Variants in ARHGAP21 observed in about 807,000 individuals in gnomAD.
The protein encoded by ARHGAP21 is rho GTPase-activating protein 21.
In ARHGAP21, 38 loss-of-function variants were observed where a neutral mutation model predicts 164.6. The ratio of observed to expected loss-of-function variants is 0.23; its 90% CI spans 0.18 to 0.30. The LOEUF is 0.30. Ranked by LOEUF, ARHGAP21 falls within the 10% of genes least tolerant of loss-of-function variation. The pLI is 1.00. For synonymous variants in ARHGAP21, 766 were observed against 857.9 expected (o/e 0.89, Z 1.87); for missense variants, 1,822 against 2,370.7 (o/e 0.77, Z 4.81).
At chr10:24,592,580 G>C (rs1264923561) in intron 21 of ARHGAP21, among the ~76,000 whole-genome samples, 2 of 151,912 alleles carry the variant, frequency 1.3e-5, no homozygotes, top group Non-Finnish European at 2.9e-5. Context: ...GACCGAGTCA[G>C]GTGGACTGCT....
At chr10:24,638,444 T>C (rs1836615675) in intron 4 of ARHGAP21, among the ~76,000 whole-genome samples, 1 of 152,224 alleles carries the variant, frequency 6.6e-6, no homozygotes, top group South Asian at 2.1e-4. Flanking sequence ...TTAACACGTG[T>C]GTCATTCACA....
At chr10:24,629,891 T>C (rs780650729) in intron 7 of ARHGAP21, 105 bp downstream of exon 7, 23 of 851,802 alleles carry the variant, frequency 2.7e-5, no homozygotes, top group Non-Finnish European at 4.1e-5. Flanking sequence ...GGTTTTTAAA[T>C]TCTAGAATTT....
At chr10:24,608,432 G>T (rs1001876197) in intron 9 of ARHGAP21, among the ~76,000 whole-genome samples, 2 of 152,072 alleles carry the variant, frequency 1.3e-5, no homozygotes, top group Admixed American at 1.3e-4. Flanking sequence ...AGGGCCATTT[G>T]CACAAAATTC....
At chr10:24,604,768 C>A (rs1279846307) in intron 11 of ARHGAP21, among the ~76,000 whole-genome samples, 2 of 152,080 alleles carry the variant, frequency 1.3e-5, no homozygotes, top group African/African-American at 4.8e-5. Context: ...CTCCACTCAT[C>A]CTGCTGGTGG....
intron 9 of ARHGAP21, among the ~76,000 whole-genome samples, chr10:24,618,444 G>A (rs963959566): frequency 6.6e-6 from 1 of 152,176 alleles, no homozygotes; most frequent in Non-Finnish European, 1.5e-5. Flanking sequence ...AAAAGCTTAA[G>A]GGAAGAGAAT....
At chr10:24,654,459 C>G (rs532435943) in intron 4 of ARHGAP21, among the ~76,000 whole-genome samples, 2 of 152,298 alleles carry the variant, frequency 1.3e-5, no homozygotes, top group East Asian at 3.9e-4. Flanking sequence ...GTGCAAAAAT[C>G]ACAAGCATTC....
At chr10:24,700,782 C>T (rs534488730) in intron 2 of ARHGAP21, among the ~76,000 whole-genome samples, 1 of 152,282 alleles carries the variant, frequency 6.6e-6, no homozygotes, top group Admixed American at 6.5e-5. Flanking sequence ...TTAAGTACCT[C>T]TCAAAAATAA....
chr10:24,607,578 C>T lies in ARHGAP21; in HGVS notation c.2605G>A (p.Asp869Asn), dbSNP rs773550343. 6.2e-6 allele frequency: 10 copies of T among 1,614,110 alleles called. No homozygotes were observed. The highest frequency in any genetic ancestry group is 8.5e-6 in the Non-Finnish European group (10 of 1,180,016). ...DHESVGPPSLDAQPNSKTERS... is the reference protein window; with the variant it reads ...DHESVGPPSLNAQPNSKTERS... Reference sequence around the variant, plus strand: ...TCTGTCTTTGAGTTGGGCTGAGCATCCAGGCTAGGAGGGCCAACAGATTCT... The same window carrying T: ...TCTGTCTTTGAGTTGGGCTGAGCATTCAGGCTAGGAGGGCCAACAGATTCT... Residue 869 changes from aspartate to asparagine, a missense_variant, in exon 11 of 26, where the codon GAT becomes AAT. Around this residue, in one of 5 missense-constraint regions of ARHGAP21, gnomAD observed 1,090 missense variants for 1,378.9 expected, o/e 0.79. Coordinates refer to ENST00000396432, the MANE Select transcript of ARHGAP21 (RefSeq NM_020824.4).
chr10:24,642,650 C>A (rs1260854885), intron 4 of ARHGAP21, among the ~76,000 whole-genome samples: 1 of 151,894 alleles, frequency 6.6e-6, no homozygotes, highest in African/African-American at 2.4e-5. Flanking sequence ...TAAATACCTA[C>A]TTAACATTAA....
intron 24 of ARHGAP21, chr10:24,589,668 G>A (rs1189993797): frequency 4.9e-6 from 1 of 202,460 alleles, no homozygotes; most frequent in East Asian, 1.6e-4. Context: ...TCCTGTATCT[G>A]AGACTGATAC....
chr10:24,585,542 T>C lies in ARHGAP21; in HGVS notation c.4747A>G (p.Ile1583Val), dbSNP rs746616138. Residue 1583 changes from isoleucine to valine, a missense_variant, in exon 26 of 26, where the codon ATC becomes GTC. Physicochemically the swap from Ile to Val is conservative, Grantham distance 29. Coordinates refer to ENST00000396432, the MANE Select transcript of ARHGAP21 (RefSeq NM_020824.4). ...HSEFLANVST[I>V]TSDYSTTSSA... ...GATGTGGTGGAATAATCTGAGGTGA[T>C]GGTGCTGACGTTGGCCAAAAACTCG... The C allele has an allele frequency of 4.3e-6, 7 of 1,614,076 alleles. No homozygotes were observed. The highest frequency in any genetic ancestry group is 2.2e-5 in the East Asian group (1 of 44,894).
At chr10:24,671,653 TTC>T (rs1268449866) in intron 2 of ARHGAP21, among the ~76,000 whole-genome samples, 1 of 152,106 alleles carries the variant, frequency 6.6e-6, no homozygotes, top group Non-Finnish European at 1.5e-5. Flanking sequence ...GCATCACTTA[TTC>T]TCTCTTTACT....
At chr10:24,602,678 A>C (rs1359331986) in intron 12 of ARHGAP21, among the ~76,000 whole-genome samples, 1 of 152,196 alleles carries the variant, frequency 6.6e-6, no homozygotes, top group Non-Finnish European at 1.5e-5. Context: ...AGAAGCATTA[A>C]GTGATGAATC....
chr10:24,691,801 C>A (rs560755545), intron 2 of ARHGAP21, among the ~76,000 whole-genome samples: 1 of 152,140 alleles, frequency 6.6e-6, no homozygotes, highest in East Asian at 1.9e-4. Flanking sequence ...CCCAATAATA[C>A]CAGAGAAGGT....
At chr10:24,664,564 A>AAAAT (rs1554995011) in intron 4 of ARHGAP21, among the ~76,000 whole-genome samples, 14 of 149,138 alleles carry the variant, frequency 9.4e-5, no homozygotes, top group African/African-American at 3.2e-4. Context: ...CAAAAAAAAA[A>AAAAT]AATAATAATA....
chr10:24,690,603 C>T (rs887899969), intron 2 of ARHGAP21, among the ~76,000 whole-genome samples: 4 of 152,080 alleles, frequency 2.6e-5, no homozygotes, highest in African/African-American at 9.6e-5. Flanking sequence ...CCAAGACAGG[C>T]ACATCACCTG....
At chr10:24,664,020 A>G (rs1839949034) in intron 4 of ARHGAP21, among the ~76,000 whole-genome samples, 1 of 152,214 alleles carries the variant, frequency 6.6e-6, no homozygotes, top group African/African-American at 2.4e-5. Context: ...AAGCTGAATG[A>G]GACCTTGGGG....
intron 9 of ARHGAP21, among the ~76,000 whole-genome samples, chr10:24,615,763 GTTATT>G (rs1430241095): frequency 1.6e-5 from 2 of 127,096 alleles, no homozygotes; most frequent in African/African-American, 5.3e-5. Context: ...ATAAGTTTTT[GTTATT>G]TTATTATTTT....
intron 25 of ARHGAP21, among the ~76,000 whole-genome samples, chr10:24,588,821 T>C (rs951449211): frequency 6.6e-5 from 10 of 152,100 alleles, no homozygotes; most frequent in Non-Finnish European, 1.3e-4. Context: ...TAACAAAAAA[T>C]TGGTATTTCT....
Sources: gnomAD v4.1 joint callset for allele counts (sites outside exome capture counted in the v4.1 genomes callset) on GRCh38, gnomAD v4.1.1 for gene constraint, gnomAD v4.1.1 regional missense constraint, MANE v1.5 for transcripts, NCBI Gene and HGNC (gene_info 2026-07-23, HGNC 2026-07-21) for gene names.